EYA1: variants seen among roughly 807,000 people sequenced by gnomAD.
The protein encoded by EYA1 is protein phosphatase EYA1.
EYA1 carries 16 observed loss-of-function variants against 82.0 expected under a neutral mutation model. The observed-to-expected ratio is 0.20, with a 90% CI of 0.13 to 0.30. The LOEUF (loss-of-function observed/expected upper bound fraction) is 0.30, where lower values mean the gene tolerates loss of function less well. Among genes scored for constraint, EYA1 ranks in the 10% least tolerant of loss-of-function variants. EYA1 has a pLI of 1.00. For missense variants in EYA1, 633 were observed against 730.7 expected, an observed-to-expected ratio of 0.87 and a Z score of 1.54; for synonymous variants, 261 against 264.4, an observed-to-expected ratio of 0.99 and a Z score of 0.12.
chr8:71,355,385 C>G (rs530258140), intron 2 of EYA1, among the ~76,000 whole-genome samples: 35 of 152,250 alleles, frequency 2.3e-4, no homozygotes, highest in African/African-American at 8.4e-4. Context: ...TTATAATTTA[C>G]CACCCAGTTG....
In EYA1 at chr8:71,448,025, T is replaced by TAACGGAG. The variant is rs1554586955; in HGVS notation, c.33+87718_33+87719insCTCCGTT. On this transcript the variant is annotated intron_variant, in intron 2 of 18. Transcript: ENST00000643681. ...GTTTAAGAGCTTTTTTTTTTTTTTT[T>TAACGGAG]TCTCGCTCCGTTGCCCAGGCTGCAG... Among the ~76,000 whole-genome samples, 2 of 116,736 alleles carry TAACGGAG rather than the reference T, an allele frequency of 1.7e-5. 1 individual carries two copies. Among genetic ancestry groups the TAACGGAG allele is most frequent in the African/African-American group, 6.8e-5 (2 of 29,216 alleles). 76.6% of individuals were successfully genotyped at this position (116,736 alleles called of 152,430 possible).
intron 2 of EYA1, among the ~76,000 whole-genome samples, chr8:71,415,373 C>T (rs962300998): frequency 6.6e-6 from 1 of 152,202 alleles, no homozygotes; most frequent in Non-Finnish European, 1.5e-5. Flanking sequence ...TCAATTTTCA[C>T]AATAACCCCA....
chr8:71,510,793 A>G (rs1812536877), intron 2 of EYA1, among the ~76,000 whole-genome samples: 1 of 152,228 alleles, frequency 6.6e-6, no homozygotes, highest in Non-Finnish European at 1.5e-5. Context: ...ATTTCACATG[A>G]AGGATGGATA....
intron 12 of EYA1, among the ~76,000 whole-genome samples, chr8:71,218,801 C>A (rs367682721): frequency 1.7e-4 from 25 of 148,838 alleles, no homozygotes; most frequent in African/African-American, 5.0e-4. Context: ...TGTAAAACTT[C>A]TTTAGAGCGT....
intron 17 of EYA1, among the ~76,000 whole-genome samples, chr8:71,210,779 G>T (rs998029693): frequency 5.9e-5 from 9 of 152,322 alleles, no homozygotes; most frequent in Admixed American, 3.3e-4. Context: ...ATGTTTGAAA[G>T]GTTCTTAGGC....
At chr8:71,326,665 T>C (rs1457557918) in intron 4 of EYA1, among the ~76,000 whole-genome samples, 1 of 152,156 alleles carries the variant, frequency 6.6e-6, no homozygotes. Flanking sequence ...CTTGCTGAAA[T>C]GTCCTGAGAC....
At position 71,345,718 on chromosome 8, in the gene EYA1, G is replaced by A. The variant is rs184365007; in HGVS notation, c.124+9064C>T. On this transcript the variant is annotated intron_variant, in intron 3 of 17. Transcript: ENST00000340726. ...AAAAGATAATAATATGTAAATAAGC[G>A]CATGATTTCAGATAAAATGCCTTCA... is the stretch of plus-strand genomic sequence containing the variant. Among the ~76,000 whole-genome samples, 10 of 152,156 alleles carry A rather than the reference G, an allele frequency of 6.6e-5. No homozygotes were observed. In the East Asian group the frequency reaches 1.2e-3, roughly 18 times the overall value.
chr8:71,376,946 T>C (rs1016894376), intron 2 of EYA1, among the ~76,000 whole-genome samples: 9 of 152,110 alleles, frequency 5.9e-5, no homozygotes, highest in Non-Finnish European at 1.0e-4. Flanking sequence ...CTCACTCTTG[T>C]CTCTGTGTAT....
chr8:71,203,597 G>A (rs1453599795), intron 17 of EYA1, among the ~76,000 whole-genome samples: 3 of 152,128 alleles, frequency 2.0e-5, no homozygotes, highest in East Asian at 1.9e-4. Flanking sequence ...GTGTAAAATC[G>A]TAGAGATGTT....
Position 71,299,226 on chromosome 8 carries a change from G to C in EYA1, c.647C>G (p.Pro216Arg), listed in dbSNP as rs200923204. The C allele has an allele frequency of 1.2e-6, 2 of 1,613,912 alleles. No individual in the cohort carries two copies. Among genetic ancestry groups the C allele is most frequent in the Non-Finnish European group, 1.7e-6 (2 of 1,179,878 alleles). The change falls in exon 9 of 18, where the codon CCG (proline) becomes CGG (arginine). Residue 216 changes from proline (P) to arginine (R), a missense_variant. Transcript: ENST00000340726. ...SGFNSSQQDY[P>R]SYPSFGQGQY... is the part of the protein sequence containing the mutation. ...ACCCTGGCCAAAACTGGGATAAGAC[G>C]GATAGTCCTACCAAATCAAACCACA... is the stretch of plus-strand genomic sequence containing the variant.
chr8:71,417,390 GGTAAA>G (rs1447483963), intron 2 of EYA1, among the ~76,000 whole-genome samples: 6 of 152,054 alleles, frequency 3.9e-5, no homozygotes, highest in Admixed American at 2.0e-4. Flanking sequence ...TTGTATGAAA[GGTAAA>G]GTATTCACAA....
intron 17 of EYA1, among the ~76,000 whole-genome samples, chr8:71,206,037 T>C (rs1807725649): frequency 6.6e-6 from 1 of 152,182 alleles, no homozygotes; most frequent in African/African-American, 2.4e-5. Flanking sequence ...CAGAATTATG[T>C]GTTTTAAAAA....
intron 2 of EYA1, among the ~76,000 whole-genome samples, chr8:71,386,587 G>A (rs1828978866): frequency 6.6e-6 from 1 of 152,188 alleles, no homozygotes; most frequent in African/African-American, 2.4e-5. Flanking sequence ...ATTCTAAAAA[G>A]CAGAATGGTT....
At chr8:71,309,077 A>C (rs1231659024) in intron 7 of EYA1, among the ~76,000 whole-genome samples, 1 of 152,210 alleles carries the variant, frequency 6.6e-6, no homozygotes, top group East Asian at 1.9e-4. Flanking sequence ...TAGAAGATAG[A>C]TTTTAAATGA....
intron 9 of EYA1, among the ~76,000 whole-genome samples, chr8:71,273,994 A>T (rs562098668): frequency 9.2e-5 from 14 of 152,204 alleles, no homozygotes; most frequent in Non-Finnish European, 1.8e-4. Flanking sequence ...TTAAAAACTC[A>T]ATCTTTTAAA....
At chr8:71,406,691 G>A (rs1459273452) in intron 2 of EYA1, among the ~76,000 whole-genome samples, 1 of 152,166 alleles carries the variant, frequency 6.6e-6, no homozygotes, top group Non-Finnish European at 1.5e-5. Context: ...CTCACCAGGA[G>A]ATTACATCCT....
Position 71,361,825 on chromosome 8 carries a change from G to A in EYA1, c.-233C>T. On this transcript the variant is annotated 5_prime_UTR_variant, in exon 1 of 18. Coordinates refer to ENST00000340726, the MANE Select transcript of EYA1 (RefSeq NM_000503.6). ...GCGCCTCTGCAGGGGAAAGCTCGGC[G>A]CAGGGGGCAGGCGCCTGGCCGCTGC... is the stretch of plus-strand genomic sequence containing the variant. 2.0e-6 allele frequency: 2 copies of A among 985,472 alleles called. No homozygotes were observed. Among genetic ancestry groups the A allele is most frequent in the Non-Finnish European group, 2.4e-6 (2 of 829,948 alleles). The allele number at this position is 985,472 out of a possible 1,614,324, so 61.0% of individuals were successfully genotyped here.
At chr8:71,394,394 C>A (rs1017501609) in intron 2 of EYA1, among the ~76,000 whole-genome samples, 8 of 152,052 alleles carry the variant, frequency 5.3e-5, no homozygotes, top group Admixed American at 1.3e-4. Flanking sequence ...GGTATTGCCT[C>A]GGTTTTCTTC....
intron 12 of EYA1, among the ~76,000 whole-genome samples, chr8:71,229,317 C>T (rs768175547): frequency 2.0e-5 from 3 of 152,072 alleles, no homozygotes; most frequent in African/African-American, 7.2e-5. Context: ...TAATAACTAC[C>T]ATTATTGACA....
Sources: gnomAD v4.1 joint callset for allele counts (sites outside exome capture counted in the v4.1 genomes callset) on GRCh38, gnomAD v4.1.1 for gene constraint, MANE v1.5 for transcripts, NCBI Gene and HGNC (gene_info 2026-07-23, HGNC 2026-07-21) for gene names.